Variants in SLC35F1 observed in about 807,000 individuals in gnomAD.
The protein encoded by SLC35F1 is chromosome 6 open reading frame 169.
SLC35F1 carries 14 observed loss-of-function variants against 48.7 expected under a neutral mutation model. The observed-to-expected ratio is 0.29, with a 90% CI of 0.19 to 0.45. The LOEUF is 0.45. SLC35F1 is among the 20% of genes least tolerant of loss of function. The pLI is 1.00. For synonymous variants in SLC35F1, 190 were observed against 202.2 expected (o/e 0.94, Z 0.51); for missense variants, 404 against 500.0 (o/e 0.81, Z 1.83).
chr6:118,004,616 C>A (rs1374204656), intron 1 of SLC35F1, among the ~76,000 whole-genome samples: 1 of 152,128 alleles, frequency 6.6e-6, no homozygotes, highest in Non-Finnish European at 1.5e-5. Flanking sequence ...GGCTGGAATG[C>A]AGCAGCCTGA....
intron 1 of SLC35F1, among the ~76,000 whole-genome samples, chr6:118,087,574 ATGTGCTCT>A (rs1416401303): frequency 6.6e-6 from 1 of 152,088 alleles, no homozygotes; most frequent in African/African-American, 2.4e-5. Context: ...GTCTCTGCTG[ATGTGCTCT>A]TGCTAGGCTC....
In SLC35F1 at chr6:117,914,085, CCTATCTATCTAT is replaced by C. The variant is rs60175681; in HGVS notation, c.173+6229_173+6240del. Among the ~76,000 whole-genome samples the C allele has an allele frequency of 5.2e-3, 757 of 145,256 alleles. 4 individuals carry two copies. Among genetic ancestry groups the C allele is most frequent in the East Asian group, 0.027 (130 of 4,854 alleles). ...CCCCCAAAAACAAAAACAAAAGAATCCTATCTATCTATCTATCTATCTATCTATCTATCTATC... is the reference window on the plus strand; with the variant it reads ...CCCCCAAAAACAAAAACAAAAGAATCCTATCTATCTATCTATCTATCTATC... On this transcript the variant is annotated intron_variant, in intron 1 of 7. Transcript: ENST00000360388.
chr6:118,292,133 A>C (rs1391046216), intron 7 of SLC35F1, among the ~76,000 whole-genome samples: 1 of 151,926 alleles, frequency 6.6e-6, no homozygotes, highest in South Asian at 2.1e-4. Context: ...CTAAATAATA[A>C]ATAAATAAAT....
At chr6:118,280,071 T>G (rs1204387418) in intron 6 of SLC35F1, among the ~76,000 whole-genome samples, 1 of 152,232 alleles carries the variant, frequency 6.6e-6, no homozygotes, top group African/African-American at 2.4e-5. Context: ...ACTGGCCAAT[T>G]GCAAAATATA....
At chr6:118,231,964 C>T (rs1022323611) in intron 2 of SLC35F1, among the ~76,000 whole-genome samples, 7 of 152,162 alleles carry the variant, frequency 4.6e-5, no homozygotes, top group Non-Finnish European at 1.0e-4. Context: ...TTTTGTCACA[C>T]GTTGTCTACA....
rs776005430 is a variant in SLC35F1 at position 117,907,881 on chromosome 6, T to A, written c.155T>A (p.Ile52Asn). 6.7e-7 allele frequency: 1 copy of A among 1,497,942 alleles called. No individual in the cohort carries two copies. Among genetic ancestry groups the A allele is most frequent in the Non-Finnish European group, 8.8e-7 (1 of 1,134,170 alleles). The allele number at this position is 1,497,942 out of a possible 1,614,324, so 92.8% of individuals were successfully genotyped here. ...ASSRAGVRQR[I>N]RKVLNREMLI... ...TCCCGGGCTGGCGTGCGCCAGAGGA[T>A]CCGCAAAGTGCTGAACAGGTGAGCG... The change falls in exon 1 of 8, where the codon ATC becomes AAC. Residue 52 changes from isoleucine to asparagine, a missense_variant. By Grantham distance (149) the Ile-to-Asn change is moderately radical (BLOSUM62 -3). Around this residue, in one of 2 missense-constraint regions of SLC35F1, gnomAD observed 98 missense variants for 81.0 expected, o/e 1.21. Coordinates refer to ENST00000360388, the MANE Select transcript of SLC35F1 (RefSeq NM_001029858.4).
rs896359449 is a variant in SLC35F1, at chr6:117,962,551, C to T, written c.173+54652C>T. Among the ~76,000 whole-genome samples the T allele has an allele frequency of 3.9e-5, 6 of 152,170 alleles. No individual in the cohort carries two copies. In the East Asian group the frequency reaches 9.7e-4, roughly 25 times the overall value. The stretch of plus-strand genomic sequence containing the variant: ...CCGTGGGGTCTTATATAATCATCTG[C>T]TCACCCAGAGAGCAGATGCTGCTCT... On this transcript the variant is annotated intron_variant, in intron 1 of 7. Transcript: ENST00000360388.
chr6:118,136,517 A>G (rs1199163126), intron 1 of SLC35F1, among the ~76,000 whole-genome samples: 1 of 152,154 alleles, frequency 6.6e-6, no homozygotes, highest in Non-Finnish European at 1.5e-5. Flanking sequence ...CGTTATTTGT[A>G]TCTTGAAGGA....
At chr6:118,148,270 C>A (rs1011783741) in intron 1 of SLC35F1, among the ~76,000 whole-genome samples, 9 of 152,114 alleles carry the variant, frequency 5.9e-5, no homozygotes, top group African/African-American at 1.9e-4. Context: ...ACTTTTGTGG[C>A]AAAGAATTAC....
chr6:118,251,807 A>G (rs1562339937), intron 3 of SLC35F1, among the ~76,000 whole-genome samples: 1 of 152,168 alleles, frequency 6.6e-6, no homozygotes, highest in Non-Finnish European at 1.5e-5. Flanking sequence ...TTTTTTGAGC[A>G]TATATTATAT....
intron 1 of SLC35F1, among the ~76,000 whole-genome samples, chr6:118,062,883 T>A (rs1265747170): frequency 1.3e-5 from 2 of 152,164 alleles, no homozygotes; most frequent in Admixed American, 1.3e-4. Context: ...TTTCCTTAAT[T>A]TTTTTAAAAA....
intron 2 of SLC35F1, among the ~76,000 whole-genome samples, chr6:118,230,231 T>G (rs1248187868): frequency 6.6e-6 from 1 of 151,712 alleles, no homozygotes; most frequent in Non-Finnish European, 1.5e-5. Flanking sequence ...TCCCAGCCAC[T>G]CGGGAGGCTG....
intron 1 of SLC35F1, among the ~76,000 whole-genome samples, chr6:117,992,602 T>A (rs1776933166): frequency 6.6e-6 from 1 of 152,222 alleles, no homozygotes; most frequent in Non-Finnish European, 1.5e-5. Context: ...TATGCCTTTC[T>A]GACTGAGAGA....
chr6:118,190,495 T>TA (rs1263142325), intron 2 of SLC35F1, among the ~76,000 whole-genome samples: 1 of 152,032 alleles, frequency 6.6e-6, no homozygotes, highest in Admixed American at 6.6e-5. Flanking sequence ...GAGTATGATT[T>TA]AAAAAAACTT....
chr6:118,216,792 G>A (rs1324979721), intron 2 of SLC35F1, among the ~76,000 whole-genome samples: 1 of 152,112 alleles, frequency 6.6e-6, no homozygotes. Context: ...TTTACGCAGG[G>A]TGGAAGTATC....
intron 7 of SLC35F1, among the ~76,000 whole-genome samples, chr6:118,297,444 G>A (rs1776200122): frequency 1.3e-5 from 2 of 151,844 alleles, no homozygotes; most frequent in Non-Finnish European, 1.5e-5. Context: ...CCTATAATGC[G>A]AAAGCAGATG....
intron 1 of SLC35F1, among the ~76,000 whole-genome samples, chr6:117,968,530 G>T (rs912717446): frequency 6.6e-6 from 1 of 152,126 alleles, no homozygotes; most frequent in African/African-American, 2.4e-5. Flanking sequence ...CCAATATTTC[G>T]TTGCAACTAT....
chr6:118,130,575 C>A (rs1773695722), intron 1 of SLC35F1, among the ~76,000 whole-genome samples: 1 of 152,120 alleles, frequency 6.6e-6, no homozygotes, highest in Non-Finnish European at 1.5e-5. Context: ...AGAAAAGTTA[C>A]TAGTAGTTTT....
At position 117,952,349 on chromosome 6, in the gene SLC35F1, C is replaced by G. The variant is rs77598542; in HGVS notation, c.173+44450C>G. On this transcript the variant is annotated intron_variant, in intron 1 of 7. Coordinates refer to ENST00000360388, the MANE Select transcript of SLC35F1 (RefSeq NM_001029858.4). ...AGACCTGTACCATGGGGCTGCTCCT[C>G]TTTACTCTACATTTTGCATATCTGT... Among the ~76,000 whole-genome samples the G allele has an allele frequency of 6.0e-3, 918 of 152,308 alleles. 25 individuals carry two copies. In the East Asian group the frequency reaches 0.069, roughly 11 times the overall value.
Sources: gnomAD v4.1 joint callset for allele counts (sites outside exome capture counted in the v4.1 genomes callset) on GRCh38, gnomAD v4.1.1 for gene constraint, gnomAD v4.1.1 regional missense constraint, MANE v1.5 for transcripts, NCBI Gene and HGNC (gene_info 2026-07-23, HGNC 2026-07-21) for gene names.